The following LRRK1 variants were observed in gnomAD, a reference collection of about 807,000 sequenced individuals.
LRRK1 encodes leucine-rich repeat serine/threonine-protein kinase 1.
A neutral mutation model predicts 209.1 loss-of-function variants in LRRK1; 113 were observed. The observed-to-expected ratio is 0.54, with a 90% confidence interval of 0.46 to 0.63. The LOEUF is 0.63. Ranked by LOEUF, LRRK1 falls within the 30% of genes least tolerant of loss-of-function variation. LRRK1 has a pLI of 0.00. For missense variants in LRRK1, 2,284 were observed against 2,632.2 expected (o/e 0.87, Z 2.89); for synonymous variants, 1,144 against 1,099.7 (o/e 1.04, Z -0.80).
At chr15:101,057,606 G>A (rs2035886197) in intron 28 of LRRK1, among the ~76,000 whole-genome samples, 1 of 152,184 alleles carries the variant, frequency 6.6e-6, no homozygotes, top group African/African-American at 2.4e-5. Context: ...CCCAGCCACT[G>A]GGGAGGCTGA....
chr15:101,013,544 T>C (rs1178354425), intron 10 of LRRK1, among the ~76,000 whole-genome samples: 1 of 151,856 alleles, frequency 6.6e-6, no homozygotes, highest in Non-Finnish European at 1.5e-5. Flanking sequence ...AGGCCAGGAG[T>C]TTGAGGCTGT....
chr15:101,049,426 A>T, intron 22 of LRRK1: 1 of 499,518 alleles, frequency 2.0e-6, no homozygotes, highest in Non-Finnish European at 3.5e-6. Flanking sequence ...CCCTGACTGC[A>T]ATCTTCCTCG....
At chr15:101,037,595 G>A (rs1411175020) in intron 20 of LRRK1, among the ~76,000 whole-genome samples, 1 of 152,194 alleles carries the variant, frequency 6.6e-6, no homozygotes, top group East Asian at 1.9e-4. Flanking sequence ...CCTGCCACTG[G>A]GGAGGGTGGG....
intron 6 of LRRK1, 26 bp from the exon 7 acceptor site, chr15:101,008,811 T>C: frequency 6.4e-7 from 1 of 1,560,096 alleles, no homozygotes; most frequent in Non-Finnish European, 8.8e-7. Flanking sequence ...CCTCCACATG[T>C]GCTTTTCCTT....
chr15:101,060,332 CTGTT>C (rs372455807), intron 29 of LRRK1, among the ~76,000 whole-genome samples: 1 of 152,130 alleles, frequency 6.6e-6, no homozygotes, highest in Non-Finnish European at 1.5e-5. Flanking sequence ...ATATTTTTAA[CTGTT>C]TGTTTTCAAA....
intron 1 of LRRK1, chr15:100,920,252 A>G (rs1212369705): frequency 6.6e-6 from 1 of 152,352 alleles, no homozygotes. Flanking sequence ...TTCCCCTGCA[A>G]CAGGTAGAGA....
chr15:101,021,789 T>C (rs1490453061), intron 13 of LRRK1, 56 bp from the exon 14 acceptor site: 7,030 of 393,244 alleles, frequency 0.018, 40 homozygotes, highest in Non-Finnish European at 0.025. Flanking sequence ...TGTGTGTGTG[T>C]GTGTGTGTGT....
chr15:101,031,215 C>T (rs11247254), intron 20 of LRRK1, among the ~76,000 whole-genome samples: 1 of 152,118 alleles, frequency 6.6e-6, no homozygotes, highest in East Asian at 1.9e-4. Flanking sequence ...GCACCTGCCT[C>T]AAGACACAGA....
intron 2 of LRRK1, among the ~76,000 whole-genome samples, chr15:100,938,371 A>G (rs1423208698): frequency 1.3e-5 from 2 of 152,150 alleles, no homozygotes; most frequent in Non-Finnish European, 2.9e-5. Flanking sequence ...TACAATGTGT[A>G]ATGATCAAAT....
intron 6 of LRRK1, among the ~76,000 whole-genome samples, chr15:100,995,853 T>A (rs1040591466): frequency 1.3e-5 from 2 of 152,158 alleles, no homozygotes; most frequent in Non-Finnish European, 2.9e-5. Context: ...CTTTTAAAAG[T>A]CTCTAATGAT....
chr15:101,025,883 G>A (rs372063123), intron 16 of LRRK1, 82 bp from the exon 17 acceptor site: 32 of 1,479,574 alleles, frequency 2.2e-5, no homozygotes, highest in South Asian at 6.2e-5. Flanking sequence ...CAGGGTCAGC[G>A]CACCTGCACA....
At chr15:101,006,391 AAG>A (rs1415642318) in intron 6 of LRRK1, among the ~76,000 whole-genome samples, 6,683 of 129,624 alleles carry the variant, frequency 0.052, 224 homozygotes, top group African/African-American at 0.14. Context: ...AAAAAAAAAA[AAG>A]AAAAGGCATT....
rs571444506 is a variant in LRRK1, at chr15:100,970,598, G to A, written c.98-3206G>A. The stretch of plus-strand genomic sequence containing the variant: ...TCCAACTCCATCCTTTCCAAGTCTT[G>A]AAATCAGGTAGTGTACATTCTCCAA... On this transcript the variant is annotated intron_variant, in intron 2 of 33. Coordinates refer to ENST00000388948, the MANE Select transcript of LRRK1 (RefSeq NM_024652.6). Among the ~76,000 whole-genome samples, 33 of 152,256 alleles carry A rather than the reference G, an allele frequency of 2.2e-4. 1 individual carries two copies. Among genetic ancestry groups the A allele is most frequent in the African/African-American group, 7.9e-4 (33 of 41,540 alleles).
intron 2 of LRRK1, among the ~76,000 whole-genome samples, chr15:100,963,111 C>G (rs1227212955): frequency 1.3e-5 from 2 of 151,702 alleles, no homozygotes; most frequent in Non-Finnish European, 2.9e-5. Flanking sequence ...GCATGAGCCA[C>G]CACGCCCAGC....
rs1178870153 is a variant in LRRK1, at chr15:101,006,392, AG to A, written c.763-2444del. On this transcript the variant is annotated intron_variant, in intron 6 of 33. Coordinates refer to ENST00000388948, the MANE Select transcript of LRRK1 (RefSeq NM_024652.6). ...TGTGATAAAAAAAAAAAAAAAAAAA[AG>A]AAAAGGCATTAAAAGGTGTGAAGAC... Among the ~76,000 whole-genome samples the A allele has an allele frequency of 7.3e-3, 845 of 115,430 alleles. 16 individuals carry two copies. Among genetic ancestry groups the A allele is most frequent in the African/African-American group, 0.039 (721 of 18,726 alleles). 75.7% of individuals were successfully genotyped at this position (115,430 alleles called of 152,430 possible).
intron 23 of LRRK1, among the ~76,000 whole-genome samples, chr15:101,050,315 T>C (rs1596323965): frequency 6.6e-6 from 1 of 152,158 alleles, no homozygotes; most frequent in Non-Finnish European, 1.5e-5. Flanking sequence ...TCTTCATTGA[T>C]AGTTCACCCA....
At chr15:101,028,622 CAT>C (rs1489494147) in intron 19 of LRRK1, among the ~76,000 whole-genome samples, 5 of 152,256 alleles carry the variant, frequency 3.3e-5, no homozygotes, top group Non-Finnish European at 5.9e-5. Context: ...CCACTCAGCA[CAT>C]GTCTGCAAAT....
At chr15:100,935,929 C>G (rs1291697327) in intron 2 of LRRK1, among the ~76,000 whole-genome samples, 1 of 152,204 alleles carries the variant, frequency 6.6e-6, no homozygotes, top group Non-Finnish European at 1.5e-5. Context: ...TTACAGCCTA[C>G]TGCCGAATTC....
intron 2 of LRRK1, among the ~76,000 whole-genome samples, chr15:100,955,532 A>G (rs903060613): frequency 4.6e-5 from 7 of 152,076 alleles, no homozygotes; most frequent in African/African-American, 1.7e-4. Context: ...CTTCTAGTAG[A>G]AGTGGCAAGA....
Sources: gnomAD v4.1 joint callset for allele counts (sites outside exome capture counted in the v4.1 genomes callset) on GRCh38, gnomAD v4.1.1 for gene constraint, MANE v1.5 for transcripts, NCBI Gene and HGNC (gene_info 2026-07-23, HGNC 2026-07-21) for gene names.